TIAM2: variants seen among roughly 807,000 people sequenced by gnomAD.
The protein encoded by TIAM2 is TIAM Rac1 associated GEF 2.
TIAM2 carries 80 observed loss-of-function variants against 152.9 expected under a neutral mutation model. The observed-to-expected ratio is 0.52, with a 90% CI of 0.44 to 0.63. The LOEUF (loss-of-function observed/expected upper bound fraction) is 0.63, where lower values mean the gene tolerates loss of function less well. TIAM2 is among the 30% of genes least tolerant of loss of function. The pLI, the probability that TIAM2 is intolerant of heterozygous loss-of-function variation, is 0.00. For missense variants in TIAM2, 1,965 were observed against 2,120.1 expected (o/e 0.93, Z 1.44); for synonymous variants, 804 against 838.0 (o/e 0.96, Z 0.70).
intron 1 of TIAM2, among the ~76,000 whole-genome samples, chr6:155,049,290 G>A (rs1338373220): frequency 6.6e-6 from 1 of 152,152 alleles, no homozygotes; most frequent in Non-Finnish European, 1.5e-5. Context: ...ACCTTCCTGG[G>A]TGAGAGGGTT....
At chr6:155,188,492 G>A (rs760996573) in intron 14 of TIAM2, among the ~76,000 whole-genome samples, 1 of 152,176 alleles carries the variant, frequency 6.6e-6, no homozygotes, top group African/African-American at 2.4e-5. Flanking sequence ...GGAAATGTCC[G>A]TAGGCTGTAT....
chr6:155,091,774 G>A (rs1023732023), intron 2 of TIAM2, among the ~76,000 whole-genome samples: 27 of 152,176 alleles, frequency 1.8e-4, no homozygotes, highest in Admixed American at 1.3e-3. Flanking sequence ...CTTTAACGAT[G>A]TTCAAAACTA....
intron 14 of TIAM2, among the ~76,000 whole-genome samples, chr6:155,188,932 C>G (rs1174065171): frequency 6.6e-6 from 1 of 152,214 alleles, no homozygotes. Context: ...CCAACACAGG[C>G]TTACCAGATG....
intron 14 of TIAM2, among the ~76,000 whole-genome samples, chr6:155,184,051 C>A (rs1780975595): frequency 6.6e-6 from 1 of 152,040 alleles, no homozygotes; most frequent in Admixed American, 6.5e-5. Context: ...TGCAGTGGCA[C>A]AATCTCAGCT....
intron 15 of TIAM2, among the ~76,000 whole-genome samples, chr6:155,223,159 C>T (rs1464059330): frequency 1.3e-5 from 2 of 152,160 alleles, no homozygotes; most frequent in South Asian, 2.1e-4. Context: ...CCCAGTCTTA[C>T]GATGTTTATT....
chr6:155,169,026 G>C (rs1780511197), intron 9 of TIAM2: 6 of 1,068,600 alleles, frequency 5.6e-6, no homozygotes, highest in Non-Finnish European at 6.5e-6. Context: ...GACGGAGTCT[G>C]GCTCTGTTGC....
chr6:155,198,519 A>G (rs963658314), intron 14 of TIAM2, among the ~76,000 whole-genome samples: 1 of 152,092 alleles, frequency 6.6e-6, no homozygotes, highest in South Asian at 2.1e-4. Flanking sequence ...AAAATTAGCC[A>G]GGCATGGTGG....
intron 1 of TIAM2, among the ~76,000 whole-genome samples, chr6:155,058,084 C>T (rs1277833028): frequency 1.3e-5 from 2 of 152,116 alleles, no homozygotes. Context: ...TGACATACCC[C>T]TATCATTGTG....
chr6:155,050,363 G>C (rs1777289715), intron 1 of TIAM2, among the ~76,000 whole-genome samples: 1 of 152,128 alleles, frequency 6.6e-6, no homozygotes, highest in South Asian at 2.1e-4. Context: ...CTTTGGAGCT[G>C]GTGCTGGCCT....
chr6:155,226,337 G>A (rs1243710209), intron 15 of TIAM2, among the ~76,000 whole-genome samples: 2 of 152,236 alleles, frequency 1.3e-5, no homozygotes, highest in Non-Finnish European at 2.9e-5. Context: ...GGCTGGCTGA[G>A]CATCTTTGTG....
chr6:155,131,719 AC>A (rs1409428211), intron 4 of TIAM2, among the ~76,000 whole-genome samples: 1 of 151,818 alleles, frequency 6.6e-6, no homozygotes, highest in African/African-American at 2.4e-5. Context: ...AGCTGGCATT[AC>A]AGGCGTGCAC....
At chr6:155,167,883 T>C (rs1008291984) in intron 9 of TIAM2, among the ~76,000 whole-genome samples, 2 of 152,238 alleles carry the variant, frequency 1.3e-5, no homozygotes, top group Non-Finnish European at 2.9e-5. Flanking sequence ...ATATAAATAA[T>C]AACTTGATAA....
intron 2 of TIAM2, among the ~76,000 whole-genome samples, chr6:155,116,174 T>A (rs1277835844): frequency 2.0e-5 from 3 of 152,248 alleles, no homozygotes; most frequent in Non-Finnish European, 4.4e-5. Flanking sequence ...GAAAAAATGT[T>A]AAATTTCTAT....
Position 155,119,095 on chromosome 6 carries a change from C to T in TIAM2, c.-117-8395C>T, listed in dbSNP as rs994834487. On this transcript the variant is annotated intron_variant, in intron 2 of 26. Transcript: ENST00000682666. Reference sequence around the variant, plus strand: ...TGTTGCTCAGGCTGGAGTGCAGTGGCGCGATCTCGGCTCACTACAACCTCC... The same window carrying T: ...TGTTGCTCAGGCTGGAGTGCAGTGGTGCGATCTCGGCTCACTACAACCTCC... Among the ~76,000 whole-genome samples, 33 of 150,490 alleles carry T rather than the reference C, an allele frequency of 2.2e-4. No homozygotes were observed. In the East Asian group the frequency reaches 4.3e-3, roughly 20 times the overall value.
Position 155,245,620 on chromosome 6 carries a change from T to C in TIAM2, c.3544-3T>C. Reference sequence around the variant, plus strand: ...GATTTGACTTTCCCCTCTGCCCTTCTAGAAATTACTGTTTTCCCTTGGAGG... The same window carrying C: ...GATTTGACTTTCCCCTCTGCCCTTCCAGAAATTACTGTTTTCCCTTGGAGG... On this transcript the variant is annotated splice_polypyrimidine_tract_variant and splice_region_variant and intron_variant, in intron 18 of 26. Coordinates refer to ENST00000682666, the MANE Select transcript of TIAM2 (RefSeq NM_012454.4). 6.2e-7 allele frequency: 1 copy of C among 1,612,630 alleles called. No homozygotes were observed. The highest frequency in any genetic ancestry group is 2.2e-5 in the East Asian group (1 of 44,878).
chr6:155,027,602 TATATA>T (rs750450889), intron 1 of TIAM2, among the ~76,000 whole-genome samples: 781 of 76,934 alleles, frequency 0.01, 41 homozygotes, highest in African/African-American at 0.041. Flanking sequence ...ATATATACTA[TATATA>T]ATATATGTAC....
At chr6:155,215,283 T>C (rs1269210933) in intron 15 of TIAM2, among the ~76,000 whole-genome samples, 1 of 152,184 alleles carries the variant, frequency 6.6e-6, no homozygotes, top group Non-Finnish European at 1.5e-5. Flanking sequence ...CATTGGAGCA[T>C]CAGAAATTTA....
chr6:155,232,268 G>T (rs1411650036), intron 15 of TIAM2, among the ~76,000 whole-genome samples: 2 of 148,860 alleles, frequency 1.3e-5, no homozygotes, highest in African/African-American at 4.9e-5. Flanking sequence ...AATTTTTAGT[G>T]TTTTTTTTTT....
chr6:155,111,928 A>G (rs1778861610), intron 2 of TIAM2, among the ~76,000 whole-genome samples: 1 of 151,874 alleles, frequency 6.6e-6, no homozygotes, highest in South Asian at 2.1e-4. Flanking sequence ...CTCAAACTCA[A>G]TCCAGTCGGT....
Sources: allele counts gnomAD v4.1 joint callset (sites outside exome capture counted in the v4.1 genomes callset), GRCh38; gene constraint gnomAD v4.1.1; transcripts MANE v1.5; gene names NCBI Gene and HGNC (gene_info 2026-07-23, HGNC 2026-07-21).